Variants in USP33 observed in about 807,000 individuals in gnomAD.
USP33 encodes ubiquitin carboxyl-terminal hydrolase 33.
In USP33, 46 loss-of-function variants were observed where a neutral mutation model predicts 124.2. That is an observed-to-expected ratio of 0.37 (90% CI 0.29 to 0.47). The LOEUF is 0.47. Ranked by LOEUF, USP33 falls within the 20% of genes least tolerant of loss-of-function variation. USP33 has a pLI of 0.99. For missense variants in USP33, 851 were observed against 1,070.6 expected, an observed-to-expected ratio of 0.79 and a Z score of 2.86; for synonymous variants, 350 against 352.3, an observed-to-expected ratio of 0.99 and a Z score of 0.07.
chr1:77,740,520 A>G (rs976543161), intron 4 of USP33, among the ~76,000 whole-genome samples: 10 of 151,862 alleles, frequency 6.6e-5, no homozygotes, highest in African/African-American at 2.2e-4. Context: ...CACCCAGCTA[A>G]TTTTTTTGTA....
chr1:77,712,005 T>C (rs1675317354), intron 20 of USP33, 150 bp from the exon 21 acceptor site: 1 of 754,234 alleles, frequency 1.3e-6, no homozygotes. Context: ...CTTGTTATTA[T>C]GTTTATTAAG....
At chr1:77,715,710 T>G in intron 18 of USP33, 32 bp downstream of exon 18, 2 of 1,603,454 alleles carry the variant, frequency 1.2e-6, no homozygotes, top group South Asian at 2.2e-5. Context: ...ATGTGAGAGA[T>G]GTCCTTTCGC....
chr1:77,725,535 A>G, intron 11 of USP33, 87 bp downstream of exon 11: 1 of 1,475,156 alleles, frequency 6.8e-7, no homozygotes, highest in Non-Finnish European at 9.1e-7. Context: ...ATATTTCATA[A>G]TTAACACTTT....
intron 10 of USP33, among the ~76,000 whole-genome samples, chr1:77,726,349 T>TAA (rs540315702): frequency 4.3e-5 from 6 of 140,246 alleles, no homozygotes; most frequent in East Asian, 2.0e-4. Context: ...AATATAGCAT[T>TAA]AAAAAAAAAA....
Position 77,701,482 on chromosome 1 carries a change from G to A in USP33, c.2407-11C>T, listed in dbSNP as rs768232655. ...GAACGCTCTGTTAAGCTACAAGGGGGAAAAAAAACAGTCATCTAATATCTA... is the reference window on the plus strand; with the variant it reads ...GAACGCTCTGTTAAGCTACAAGGGGAAAAAAAAACAGTCATCTAATATCTA... On this transcript the variant is annotated splice_polypyrimidine_tract_variant and intron_variant, in intron 21 of 23. Coordinates refer to ENST00000370794, the MANE Select transcript of USP33 (RefSeq NM_201624.3). The A allele has an allele frequency of 6.9e-6, 11 of 1,588,072 alleles. No homozygotes were observed. The Middle Eastern group carries it at 6.6e-4, about 96-fold the overall frequency.
chr1:77,744,782 C>T (rs939601251), intron 1 of USP33, among the ~76,000 whole-genome samples: 1 of 152,196 alleles, frequency 6.6e-6, no homozygotes, highest in Non-Finnish European at 1.5e-5. Context: ...TAGATGGCAG[C>T]TACAGTGTGC....
chr1:77,718,085 C>A (rs1048440744), intron 16 of USP33, 38 bp from the exon 17 acceptor site: 22 of 1,521,182 alleles, frequency 1.4e-5, no homozygotes, highest in Admixed American at 4.1e-5. Flanking sequence ...TTTGTCAATA[C>A]AGAAAACAAA....
chr1:77,701,632 G>A lies in USP33; in HGVS notation c.2407-161C>T, dbSNP rs1219112768. The A allele has an allele frequency of 5.3e-5, 29 of 550,300 alleles. 1 individual carries two copies. Among genetic ancestry groups the A allele is most frequent in the South Asian group, 1.5e-4 (6 of 39,114 alleles). The allele number at this position is 550,300 out of a possible 1,614,324, so 34.1% of individuals were successfully genotyped here. The stretch of plus-strand genomic sequence containing the variant: ...GTTCCAAACCAGTCTGGGCAACATC[G>A]TGAGAACATCTCTACAAAAAAAACA... On this transcript the variant is annotated intron_variant, in intron 21 of 23. Coordinates refer to ENST00000370794, the MANE Select transcript of USP33 (RefSeq NM_201624.3).
intron 10 of USP33, among the ~76,000 whole-genome samples, chr1:77,727,757 A>C (rs1174359340): frequency 1.3e-5 from 2 of 152,210 alleles, no homozygotes; most frequent in African/African-American, 4.8e-5. Flanking sequence ...AGATAAGTTA[A>C]CTCTTGAAGA....
chr1:77,701,460 C>T lies in USP33; in HGVS notation c.2418G>A (p.Ala806=), dbSNP rs755882210. ...TAGCTGGAGAGTCCTCTTTTTGGAA[C>T]GCTCTGTTAAGCTACAAGGGGGAAA... is the stretch of plus-strand genomic sequence containing the variant. ...ELEIFIRLNR[A]FQKEDSPATF... Residue 806 remains alanine, a synonymous_variant, in exon 22 of 24, where the codon GCG becomes GCA. Coordinates refer to ENST00000370794, the MANE Select transcript of USP33 (RefSeq NM_201624.3). 1.4e-5 allele frequency: 23 copies of T among 1,611,454 alleles called. No homozygotes were observed. Among genetic ancestry groups the T allele is most frequent in the African/African-American group, 6.7e-5 (5 of 74,628 alleles).
intron 9 of USP33, 116 bp downstream of exon 9, chr1:77,729,744 C>A: frequency 1.1e-6 from 1 of 898,410 alleles, no homozygotes; most frequent in Non-Finnish European, 1.8e-6. Flanking sequence ...CTATTCTTGG[C>A]AAAAGAAAGA....
chr1:77,720,356 G>A (rs577580739), intron 15 of USP33: 9 of 985,190 alleles, frequency 9.1e-6, no homozygotes, highest in Non-Finnish European at 1.1e-5. Context: ...GCTTTACAAG[G>A]AACAATCCCC....
intron 11 of USP33, among the ~76,000 whole-genome samples, chr1:77,723,757 C>T (rs536777348): frequency 1.3e-5 from 2 of 152,126 alleles, no homozygotes; most frequent in East Asian, 1.9e-4. Context: ...TTCTGCCTCC[C>T]GGGTTCATGC....
chr1:77,714,133 T>C (rs895738390), intron 19 of USP33, among the ~76,000 whole-genome samples: 14 of 152,204 alleles, frequency 9.2e-5, no homozygotes, highest in African/African-American at 3.4e-4. Flanking sequence ...GGCTTTTTTT[T>C]CTTAAATCCC....
chr1:77,758,979 T>A (rs1681065354), intron 1 of USP33, among the ~76,000 whole-genome samples: 1 of 152,158 alleles, frequency 6.6e-6, no homozygotes, highest in Non-Finnish European at 1.5e-5. Context: ...GTCCAAGAGC[T>A]CAACGTAAAA....
intron 21 of USP33, chr1:77,711,538 C>G: frequency 1.5e-6 from 1 of 665,356 alleles, no homozygotes; most frequent in Non-Finnish European, 2.2e-6. Flanking sequence ...TACACACACA[C>G]ACACACACAC....
At chr1:77,739,236 A>C (rs1461849040) in intron 5 of USP33, 29 bp downstream of exon 5, 1 of 1,578,248 alleles carries the variant, frequency 6.3e-7, no homozygotes, top group Admixed American at 1.9e-5. Flanking sequence ...AATGTTTTAC[A>C]GCTTAACTAA....
intron 10 of USP33, among the ~76,000 whole-genome samples, chr1:77,727,854 C>T (rs918994717): frequency 1.1e-4 from 16 of 152,316 alleles, no homozygotes; most frequent in Middle Eastern, 3.4e-3. Flanking sequence ...TAATCTATCA[C>T]AGCAGGGCTC....
intron 1 of USP33, among the ~76,000 whole-genome samples, chr1:77,755,611 C>T (rs1207340861): frequency 6.6e-6 from 1 of 152,194 alleles, no homozygotes; most frequent in African/African-American, 2.4e-5. Context: ...GTGGTGAGAA[C>T]TGCTTGAACG....
Sources: gnomAD v4.1 joint callset for allele counts (sites outside exome capture counted in the v4.1 genomes callset) on GRCh38, gnomAD v4.1.1 for gene constraint, MANE v1.5 for transcripts, NCBI Gene and HGNC (gene_info 2026-07-23, HGNC 2026-07-21) for gene names.